Variants in ADAMTSL3 observed in about 807,000 individuals in gnomAD.
The protein encoded by ADAMTSL3 is ADAMTS-like protein 3.
ADAMTSL3 carries 128 observed loss-of-function variants against 201.7 expected under a neutral mutation model. The ratio of observed to expected loss-of-function variants is 0.63; its 90% CI spans 0.55 to 0.73. The LOEUF (loss-of-function observed/expected upper bound fraction) is 0.73, where lower values mean the gene tolerates loss of function less well. Among genes scored for constraint, ADAMTSL3 ranks in the 30% least tolerant of loss-of-function variants. The pLI is 0.00. For synonymous variants in ADAMTSL3, 738 were observed against 748.4 expected, an observed-to-expected ratio of 0.99 and a Z score of 0.23; for missense variants, 1,990 against 2,119.6, an observed-to-expected ratio of 0.94 and a Z score of 1.20.
intron 7 of ADAMTSL3, among the ~76,000 whole-genome samples, chr15:83,841,998 G>T (rs909763518): frequency 1.3e-5 from 2 of 151,292 alleles, no homozygotes; most frequent in African/African-American, 4.9e-5. Context: ...GCTGCTAAGC[G>T]ACCCGACTCC....
intron 4 of ADAMTSL3, among the ~76,000 whole-genome samples, chr15:83,792,033 C>A (rs2063353219): frequency 6.6e-6 from 1 of 151,978 alleles, no homozygotes; most frequent in African/African-American, 2.4e-5. Flanking sequence ...TTACATCAAA[C>A]CAAAATGCTT....
chr15:83,836,856 G>A (rs996339727), intron 6 of ADAMTSL3, among the ~76,000 whole-genome samples: 11 of 152,102 alleles, frequency 7.2e-5, no homozygotes, highest in African/African-American at 2.2e-4. Context: ...AGGTTTGTAC[G>A]TGGGTGTTTT....
intron 5 of ADAMTSL3, among the ~76,000 whole-genome samples, chr15:83,818,654 C>G (rs960359510): frequency 1.3e-5 from 2 of 152,084 alleles, no homozygotes; most frequent in Admixed American, 1.3e-4. Flanking sequence ...TACCTGTTGT[C>G]TTTAATTATG....
At chr15:83,796,620 A>C (rs1205118225) in intron 4 of ADAMTSL3, among the ~76,000 whole-genome samples, 1 of 152,228 alleles carries the variant, frequency 6.6e-6, no homozygotes, top group Non-Finnish European at 1.5e-5. Context: ...TAGGAGTGCA[A>C]AGAAATGAAA....
intron 2 of ADAMTSL3, among the ~76,000 whole-genome samples, chr15:83,686,272 G>A (rs962283562): frequency 3.3e-5 from 5 of 152,106 alleles, no homozygotes; most frequent in African/African-American, 1.2e-4. Context: ...CAATCATATC[G>A]GTCAGTGTTT....
intron 2 of ADAMTSL3, among the ~76,000 whole-genome samples, chr15:83,664,273 C>T (rs1228778462): frequency 7.0e-6 from 1 of 142,664 alleles, no homozygotes; most frequent in Non-Finnish European, 1.6e-5. Flanking sequence ...CTTTTCTTTT[C>T]GTTTTTTTTT....
intron 2 of ADAMTSL3, among the ~76,000 whole-genome samples, chr15:83,665,974 A>T (rs1346051774): frequency 6.6e-6 from 1 of 152,156 alleles, no homozygotes; most frequent in African/African-American, 2.4e-5. Context: ...GCCTTTTTTT[A>T]AAATTTAAAA....
intron 27 of ADAMTSL3, among the ~76,000 whole-genome samples, chr15:84,030,743 G>A (rs1181732259): frequency 6.6e-6 from 1 of 152,104 alleles, no homozygotes; most frequent in East Asian, 1.9e-4. Flanking sequence ...AGAATGATAT[G>A]GTTAGGCTTT....
At chr15:84,021,081 G>T (rs1477723902) in intron 25 of ADAMTSL3, among the ~76,000 whole-genome samples, 1 of 152,150 alleles carries the variant, frequency 6.6e-6, no homozygotes, top group Non-Finnish European at 1.5e-5. Context: ...GTTGGCTGTG[G>T]TTAGAGAACA....
chr15:83,689,217 C>A (rs187263698), intron 2 of ADAMTSL3, among the ~76,000 whole-genome samples: 58 of 152,300 alleles, frequency 3.8e-4, no homozygotes, highest in African/African-American at 1.4e-3. Flanking sequence ...TAGTGCCCAA[C>A]TGCACAATAA....
intron 6 of ADAMTSL3, among the ~76,000 whole-genome samples, chr15:83,827,574 G>C (rs76801537): frequency 0.012 from 1,878 of 152,298 alleles, 47 homozygotes; most frequent in African/African-American, 0.043. Context: ...TTTTGGACAT[G>C]AAGTCCTTAC....
In ADAMTSL3 at chr15:84,038,729, TA is replaced by T. The variant is rs2068552820; in HGVS notation, c.*924del. On this transcript the variant is annotated 3_prime_UTR_variant, in exon 30 of 30. Coordinates refer to ENST00000286744, the MANE Select transcript of ADAMTSL3 (RefSeq NM_207517.3). ...AAACACGATAGTTGAAAATAATTTT[TA>T]TAGTAAATAATTGTTTTGGGCTGAT... 6.6e-6 allele frequency: 1 copy of T among 152,502 alleles called. No homozygotes were observed. Among genetic ancestry groups the T allele is most frequent in the African/African-American group, 2.4e-5 (1 of 41,448 alleles). The allele number at this position is 152,502 out of a possible 1,614,324, so 9.4% of individuals were successfully genotyped here. A position where few individuals can be genotyped will look rare whatever the true frequency, so the allele number is the denominator to read the frequency against.
At chr15:83,852,567 G>C (rs1327511974) in intron 7 of ADAMTSL3, among the ~76,000 whole-genome samples, 2 of 152,170 alleles carry the variant, frequency 1.3e-5, no homozygotes, top group African/African-American at 2.4e-5. Context: ...CAAAGATACT[G>C]TAATTTCTCT....
intron 7 of ADAMTSL3, among the ~76,000 whole-genome samples, chr15:83,854,236 T>C (rs537848874): frequency 6.6e-6 from 1 of 152,252 alleles, no homozygotes; most frequent in Admixed American, 6.5e-5. Context: ...TTTTTTTTAG[T>C]GCACTTATTT....
chr15:83,735,273 T>C (rs2062352711), intron 3 of ADAMTSL3, among the ~76,000 whole-genome samples: 1 of 152,120 alleles, frequency 6.6e-6, no homozygotes. Context: ...GGGCACAGAT[T>C]TGATCTGAGC....
chr15:83,804,151 A>G (rs2063566641), intron 4 of ADAMTSL3, among the ~76,000 whole-genome samples: 1 of 152,142 alleles, frequency 6.6e-6, no homozygotes. Flanking sequence ...TCAAAAAAAA[A>G]AGGAAGCATT....
intron 3 of ADAMTSL3, among the ~76,000 whole-genome samples, chr15:83,716,625 T>TTG (rs1555433507): frequency 2.7e-5 from 4 of 150,462 alleles, no homozygotes; most frequent in East Asian, 2.0e-4. Flanking sequence ...TGTGTGTGTG[T>TTG]TGTGTGTGTG....
chr15:83,805,411 G>T lies in ADAMTSL3; in HGVS notation c.363+716G>T, dbSNP rs567788314. Among the ~76,000 whole-genome samples the T allele has an allele frequency of 1.1e-3, 168 of 152,078 alleles. 1 individual carries two copies. The highest frequency in any genetic ancestry group is 2.9e-4 in the Non-Finnish European group (20 of 67,992). On this transcript the variant is annotated intron_variant, in intron 5 of 29. Transcript: ENST00000286744. ...CATCTCTACTAAAAATACAAACTTA[G>T]CTGGGCTTGGTGATGTGTGCCTGTA... is the stretch of plus-strand genomic sequence containing the variant.
intron 21 of ADAMTSL3, among the ~76,000 whole-genome samples, chr15:83,986,002 G>A (rs1029484110): frequency 1.3e-5 from 2 of 151,906 alleles, no homozygotes; most frequent in African/African-American, 4.8e-5. Flanking sequence ...CAAGAATACA[G>A]TAATTACTGG....
Sources: gnomAD v4.1 joint callset for allele counts (sites outside exome capture counted in the v4.1 genomes callset) on GRCh38, gnomAD v4.1.1 for gene constraint, MANE v1.5 for transcripts, NCBI Gene and HGNC (gene_info 2026-07-23, HGNC 2026-07-21) for gene names.